The following SKIC3 variants were observed in gnomAD, a reference collection of about 807,000 sequenced individuals.
SKIC3 encodes superkiller complex protein 3.
the SKIC3 span, among the ~76,000 whole-genome samples, chr5:95,519,073 T>C: frequency 4.7e-5 from 7 of 149,372 alleles, no homozygotes; most frequent in Non-Finnish European, 1.0e-4. Context: ...TGAACATTAA[T>C]ACCCTGAGAC....
chr5:95,469,405 A>G, the SKIC3 span, among the ~76,000 whole-genome samples: 1 of 152,200 alleles, frequency 6.6e-6, no homozygotes, highest in Non-Finnish European at 1.5e-5. Context: ...GCAAGAACTG[A>G]TAATGTAGCC....
At chr5:95,541,848 C>T in the SKIC3 span, 1 of 1,612,988 alleles carries the variant, frequency 6.2e-7, no homozygotes, top group Non-Finnish European at 8.5e-7. Flanking sequence ...TTGGTAAACA[C>T]CAGGCAAGTC....
chr5:95,497,538 A>C, the SKIC3 span: 3 of 1,407,626 alleles, frequency 2.1e-6, no homozygotes, highest in Non-Finnish European at 3.0e-6. Flanking sequence ...TTTAACCACA[A>C]AATGTACAAG....
At chr5:95,519,697 T>C in the SKIC3 span, among the ~76,000 whole-genome samples, 1 of 152,026 alleles carries the variant, frequency 6.6e-6, no homozygotes, top group African/African-American at 2.4e-5. Flanking sequence ...GCCTTGTAAG[T>C]CTGGAAGTAA....
the SKIC3 span, chr5:95,543,432 T>A: frequency 2.3e-6 from 3 of 1,285,754 alleles, no homozygotes; most frequent in Non-Finnish European, 2.2e-6. Flanking sequence ...ATCTACCACT[T>A]AACAGGGCAA....
the SKIC3 span, chr5:95,550,450 T>C: frequency 1.4e-5 from 2 of 144,908 alleles, no homozygotes; most frequent in Non-Finnish European, 3.0e-5. Context: ...TATTTTGTAA[T>C]GACCCATAGT....
chr5:95,547,184 G>A, the SKIC3 span: 1 of 1,583,472 alleles, frequency 6.3e-7, no homozygotes, highest in Non-Finnish European at 8.7e-7. Flanking sequence ...TAAATCTACA[G>A]TAATACCTAC....
chr5:95,548,114 C>T, the SKIC3 span, among the ~76,000 whole-genome samples: 1 of 151,846 alleles, frequency 6.6e-6, no homozygotes, highest in Non-Finnish European at 1.5e-5. Flanking sequence ...TACCTATAAA[C>T]AAGTCTAATT....
chr5:95,529,436 C>T, the SKIC3 span: 5 of 376,588 alleles, frequency 1.3e-5, no homozygotes, highest in African/African-American at 4.2e-5. Flanking sequence ...TGATTCCCCA[C>T]TGTTGTCAGG....
At chr5:95,530,221 T>C in the SKIC3 span, 1 of 1,613,306 alleles carries the variant, frequency 6.2e-7, no homozygotes, top group Non-Finnish European at 8.5e-7. Flanking sequence ...CCCTCATCAG[T>C]AAGATTTCCT....
At chr5:95,493,354 T>G in the SKIC3 span, among the ~76,000 whole-genome samples, 1 of 152,166 alleles carries the variant, frequency 6.6e-6, no homozygotes, top group Admixed American at 6.5e-5. Context: ...CAGAGATCAT[T>G]AGAGAGGACC....
chr5:95,508,048 A>G, the SKIC3 span, among the ~76,000 whole-genome samples: 4 of 152,214 alleles, frequency 2.6e-5, no homozygotes, highest in East Asian at 7.7e-4. Flanking sequence ...TGGCTTTGAA[A>G]GAAGCAAAAT....
At chr5:95,478,389 A>C in the SKIC3 span, 1 of 1,614,022 alleles carries the variant, frequency 6.2e-7, no homozygotes, top group South Asian at 1.1e-5. Flanking sequence ...TCTTTCTGTA[A>C]CACATCTCTG....
At chr5:95,549,679 T>C in the SKIC3 span, among the ~76,000 whole-genome samples, 1 of 151,716 alleles carries the variant, frequency 6.6e-6, no homozygotes, top group Non-Finnish European at 1.5e-5. Flanking sequence ...GTTTCAGAAG[T>C]TTAATTTGTA....
the SKIC3 span, among the ~76,000 whole-genome samples, chr5:95,474,668 T>G: frequency 1.3e-5 from 2 of 152,226 alleles, no homozygotes; most frequent in African/African-American, 4.8e-5. Context: ...TGTCAACCTC[T>G]TTAGCAAATT....
chr5:95,488,591 T>C, the SKIC3 span, among the ~76,000 whole-genome samples: 1 of 152,214 alleles, frequency 6.6e-6, no homozygotes, highest in Non-Finnish European at 1.5e-5. Flanking sequence ...AAGTTATTCT[T>C]CATAAATGAA....
At chr5:95,472,377 C>T in the SKIC3 span, among the ~76,000 whole-genome samples, 3 of 152,312 alleles carry the variant, frequency 2.0e-5, no homozygotes, top group East Asian at 3.9e-4. Flanking sequence ...AGCAATTCTC[C>T]TCTTCTCTGT....
chr5:95,493,551 C>A, the SKIC3 span, among the ~76,000 whole-genome samples: 53 of 152,174 alleles, frequency 3.5e-4, no homozygotes, highest in Admixed American at 2.9e-3. Context: ...AATGTTTAGT[C>A]TCTTTTTGTT....
At chr5:95,549,472 T>C in the SKIC3 span, among the ~76,000 whole-genome samples, 1 of 152,048 alleles carries the variant, frequency 6.6e-6, no homozygotes. Flanking sequence ...ACAAACACCA[T>C]TTTTCTCTTG....
Sources: gnomAD v4.1 joint callset for allele counts (sites outside exome capture counted in the v4.1 genomes callset) on GRCh38, gnomAD v4.1.1 for gene constraint, MANE v1.5 for transcripts, NCBI Gene and HGNC (gene_info 2026-07-23, HGNC 2026-07-21) for gene names.